The following TMX3 variants were observed in gnomAD, a reference collection of about 807,000 sequenced individuals.
TMX3 encodes protein disulfide-isomerase TMX3.
A neutral mutation model predicts 64.4 loss-of-function variants in TMX3; 40 were observed. That is an observed-to-expected ratio of 0.62 (90% CI 0.48 to 0.81). TMX3 has a LOEUF of 0.81. Among genes scored for constraint, TMX3 ranks in the 30% least tolerant of loss-of-function variants. The pLI, the probability that TMX3 is intolerant of heterozygous loss-of-function variation, is 0.00. For missense variants in TMX3, 497 were observed against 534.5 expected (o/e 0.93, Z 0.69); for synonymous variants, 189 against 175.7 (o/e 1.08, Z -0.60).
At position 68,703,148 on chromosome 18, in the gene TMX3, A is replaced by G. The variant is rs1291460695; in HGVS notation, c.266-1358T>C. Among the ~76,000 whole-genome samples, 8 of 152,206 alleles carry G rather than the reference A, an allele frequency of 5.3e-5. No homozygotes were observed. In the East Asian group the frequency reaches 1.5e-3, roughly 29 times the overall value. On this transcript the variant is annotated intron_variant, in intron 4 of 15. Coordinates refer to ENST00000299608, the MANE Select transcript of TMX3 (RefSeq NM_019022.5). ...TGCTTTCTTCCCAGCAAAAACACAG[A>G]AACTACTTTGGGGAGATTATGTGAA...
rs533180234 is a variant in TMX3, at chr18:68,713,154, G to C, written c.101+692C>G. Among the ~76,000 whole-genome samples the C allele has an allele frequency of 9.2e-5, 14 of 151,392 alleles. No individual in the cohort carries two copies. In the East Asian group the frequency reaches 1.5e-3, roughly 17 times the overall value. On this transcript the variant is annotated intron_variant, in intron 2 of 15. Transcript: ENST00000299608. The stretch of plus-strand genomic sequence containing the variant: ...GAACAAAAGTCTTCTGTCTCTTTAT[G>C]GGGGGTGAGAGAGAAAAGGACTAGA...
intron 5 of TMX3, chr18:68,701,090 T>C: frequency 1.1e-6 from 1 of 900,152 alleles, no homozygotes; most frequent in Non-Finnish European, 1.3e-6. Context: ...GAAAGGATGA[T>C]TTACTTAACA....
chr18:68,711,330 G>T lies in TMX3; in HGVS notation c.141+34C>A, dbSNP rs79754261. ...GAAAATAATACTTAAAATGGTAGGG[G>T]TGGGTAATTAGCATATAAAATTTAC... On this transcript the variant is annotated intron_variant, in intron 3 of 15. Coordinates refer to ENST00000299608, the MANE Select transcript of TMX3 (RefSeq NM_019022.5). The T allele has an allele frequency of 0.014, 20,909 of 1,531,358 alleles. 448 individuals carry two copies. The highest frequency in any genetic ancestry group is 0.098 in the African/African-American group (7,033 of 72,074). 94.9% of individuals were successfully genotyped at this position (1,531,358 alleles called of 1,614,324 possible).
rs1427696417 is a variant in TMX3 at position 68,701,728 on chromosome 18, T to C, written c.311+17A>G. The stretch of plus-strand genomic sequence containing the variant: ...ACTAATAAAAATACACATATAAACA[T>C]ACAACACTCAACTTACAGCTTAATT... On this transcript the variant is annotated intron_variant, in intron 5 of 15. Transcript: ENST00000299608. 1.2e-6 allele frequency: 2 copies of C among 1,611,522 alleles called. No individual in the cohort carries two copies. Among genetic ancestry groups the C allele is most frequent in the African/African-American group, 1.3e-5 (1 of 74,918 alleles).
At chr18:68,708,762 G>T (rs1433302734) in intron 4 of TMX3, among the ~76,000 whole-genome samples, 1 of 152,132 alleles carries the variant, frequency 6.6e-6, no homozygotes, top group Non-Finnish European at 1.5e-5. Flanking sequence ...CCTGACCTGG[G>T]AAGCTCTTAA....
intron 10 of TMX3, among the ~76,000 whole-genome samples, chr18:68,684,707 C>T (rs1374242506): frequency 6.6e-6 from 1 of 152,116 alleles, no homozygotes; most frequent in Admixed American, 6.5e-5. Flanking sequence ...CACGTCCCAC[C>T]CCAAAATATA....
At position 68,698,112 on chromosome 18, in the gene TMX3, G is replaced by A. The variant is rs927434071; in HGVS notation, c.393-81C>T. Reference sequence around the variant, plus strand: ...TACTATTTATACTATAACTAATCATGTCTCAAGTTATTAAGTTTCAATAAT... The same window carrying A: ...TACTATTTATACTATAACTAATCATATCTCAAGTTATTAAGTTTCAATAAT... On this transcript the variant is annotated intron_variant, in intron 6 of 15. Coordinates refer to ENST00000299608, the MANE Select transcript of TMX3 (RefSeq NM_019022.5). 3 of 864,334 alleles carry A rather than the reference G, an allele frequency of 3.5e-6. No homozygotes were observed. The African/African-American group carries it at 5.1e-5, about 15-fold the overall frequency. 53.5% of individuals were successfully genotyped at this position (864,334 alleles called of 1,614,324 possible). A position where few individuals can be genotyped will look rare whatever the true frequency, so the allele number is the denominator to read the frequency against.
At chr18:68,696,367 T>C (rs1480563678) in intron 8 of TMX3, among the ~76,000 whole-genome samples, 2 of 151,914 alleles carry the variant, frequency 1.3e-5, no homozygotes, top group Non-Finnish European at 2.9e-5. Context: ...AGAGATGGAG[T>C]TTCAACATGT....
At chr18:68,705,165 C>A (rs2030538794) in intron 4 of TMX3, among the ~76,000 whole-genome samples, 1 of 152,018 alleles carries the variant, frequency 6.6e-6, no homozygotes, top group African/African-American at 2.4e-5. Context: ...ATCTAGTGGG[C>A]AGAGGTGAGG....
chr18:68,705,649 G>A (rs887818520), intron 4 of TMX3, among the ~76,000 whole-genome samples: 3 of 152,110 alleles, frequency 2.0e-5, no homozygotes, highest in African/African-American at 7.2e-5. Flanking sequence ...ACTTCCAAAT[G>A]AGAAATATTT....
chr18:68,710,172 A>G (rs2031132529), intron 3 of TMX3, 28 bp from the exon 4 acceptor site: 3 of 1,472,990 alleles, frequency 2.0e-6, no homozygotes. Flanking sequence ...AACAACAAAC[A>G]AAAAAAGATA....
chr18:68,687,029 T>G (rs1338083782), intron 10 of TMX3: 1 of 982,866 alleles, frequency 1.0e-6, no homozygotes, highest in Non-Finnish European at 1.2e-6. Flanking sequence ...ACTCAAAAGC[T>G]ATACTTCCAT....
intron 10 of TMX3, chr18:68,686,678 G>C (rs886523993): frequency 8.2e-5 from 79 of 967,764 alleles, no homozygotes; most frequent in Non-Finnish European, 9.7e-5. Flanking sequence ...CTGCACTCCA[G>C]CCTGGCGACA....
intron 2 of TMX3, 36 bp downstream of exon 2, chr18:68,713,810 T>A (rs1257618370): frequency 2.7e-6 from 3 of 1,109,816 alleles, no homozygotes; most frequent in Non-Finnish European, 3.7e-6. Context: ...GTTGGACAGT[T>A]AAAATAATAT....
Position 68,713,902 on chromosome 18 carries a change from TG to T in TMX3, c.47-3del. On this transcript the variant is annotated splice_region_variant and splice_polypyrimidine_tract_variant and intron_variant, in intron 1 of 15. Transcript: ENST00000299608. ...AGACGACCATATCAAGTACAACAACTGAAAAAAAAAGACAAAATGTACACAA... is the reference window on the plus strand; with the variant it reads ...AGACGACCATATCAAGTACAACAACTAAAAAAAAAGACAAAATGTACACAA... 1 of 1,575,700 alleles carries T rather than the reference TG, an allele frequency of 6.3e-7. No individual in the cohort carries two copies. Among genetic ancestry groups the T allele is most frequent in the African/African-American group, 1.4e-5 (1 of 73,452 alleles).
At chr18:68,711,295 G>A in intron 3 of TMX3, 69 bp downstream of exon 3, 2 of 1,220,720 alleles carry the variant, frequency 1.6e-6, no homozygotes, top group South Asian at 3.2e-5. Context: ...TTTTTGGGTA[G>A]AGTAGAATAG....
rs1912885793 is a variant in TMX3, at chr18:68,675,861, T to A, written c.*1072A>T. On this transcript the variant is annotated 3_prime_UTR_variant, in exon 16 of 16. Transcript: ENST00000299608. ...GACAATGGAGAAGGTAACTGGCTGA[T>A]CTCTTTTTTTTACACCGGATGTGAC... is the stretch of plus-strand genomic sequence containing the variant. The A allele has an allele frequency of 6.6e-6, 1 of 152,144 alleles. No homozygotes were observed. The highest frequency in any genetic ancestry group is 2.4e-5 in the African/African-American group (1 of 41,442). The allele number at this position is 152,144 out of a possible 1,614,324, so 9.4% of individuals were successfully genotyped here.
At chr18:68,687,119 T>A (rs922512177) in intron 10 of TMX3, 2 of 984,190 alleles carry the variant, frequency 2.0e-6, no homozygotes, top group African/African-American at 3.5e-5. Flanking sequence ...TGCTATAAAT[T>A]TATAAAACAC....
At chr18:68,702,848 T>C (rs1323487510) in intron 4 of TMX3, among the ~76,000 whole-genome samples, 2 of 152,310 alleles carry the variant, frequency 1.3e-5, no homozygotes, top group Admixed American at 1.3e-4. Flanking sequence ...TGTGAAAATA[T>C]CCAAAATTTT....
Sources: allele counts gnomAD v4.1 joint callset (sites outside exome capture counted in the v4.1 genomes callset), GRCh38; gene constraint gnomAD v4.1.1; transcripts MANE v1.5; gene names NCBI Gene and HGNC (gene_info 2026-07-23, HGNC 2026-07-21).